Variants in ST3GAL1 observed in about 807,000 individuals in gnomAD.
ST3GAL1 encodes the protein ST3 beta-galactoside alpha-2,3-sialyltransferase 1.
A neutral mutation model predicts 34.1 loss-of-function variants in ST3GAL1; 16 were observed. That is an observed-to-expected ratio of 0.47 (90% CI 0.32 to 0.71). ST3GAL1 has a LOEUF of 0.71. ST3GAL1 is among the 30% of genes least tolerant of loss of function. The pLI is 0.04. For missense variants in ST3GAL1, 353 were observed against 447.4 expected (o/e 0.79, Z 1.90); for synonymous variants, 191 against 184.7 (o/e 1.03, Z -0.28).
intron 1 of ST3GAL1, among the ~76,000 whole-genome samples, chr8:133,557,157 T>C (rs1401988557): frequency 2.6e-5 from 4 of 152,192 alleles, no homozygotes; most frequent in Non-Finnish European, 4.4e-5. Context: ...TATGTGGTAT[T>C]TCCTGGGCAG....
intron 3 of ST3GAL1, among the ~76,000 whole-genome samples, chr8:133,487,233 C>T (rs532128909): frequency 1.7e-3 from 266 of 152,138 alleles, no homozygotes; most frequent in African/African-American, 5.6e-3. Flanking sequence ...GCTACCACAC[C>T]GTACAATCAT....
At chr8:133,500,196 G>C (rs1456977349) in intron 2 of ST3GAL1, among the ~76,000 whole-genome samples, 1 of 152,168 alleles carries the variant, frequency 6.6e-6, no homozygotes, top group East Asian at 1.9e-4. Context: ...ACCAGGGACA[G>C]GGATAAAAAG....
intron 5 of ST3GAL1, among the ~76,000 whole-genome samples, chr8:133,475,435 G>A (rs1254156125): frequency 1.3e-5 from 2 of 152,230 alleles, no homozygotes; most frequent in South Asian, 4.1e-4. Context: ...AACTAAAGCC[G>A]TGCTTCCTGC....
chr8:133,522,463 G>A (rs1324693155), intron 2 of ST3GAL1, among the ~76,000 whole-genome samples: 4 of 152,144 alleles, frequency 2.6e-5, no homozygotes, highest in Non-Finnish European at 4.4e-5. Context: ...ATAGCTGAGG[G>A]TCTGAGGCTC....
intron 2 of ST3GAL1, among the ~76,000 whole-genome samples, chr8:133,512,583 T>G (rs773939176): frequency 1.3e-5 from 2 of 152,064 alleles, no homozygotes; most frequent in African/African-American, 2.4e-5. Flanking sequence ...CATACCATCA[T>G]CTCGGAGGCC....
At chr8:133,519,994 G>C (rs550029018) in intron 2 of ST3GAL1, among the ~76,000 whole-genome samples, 1 of 152,084 alleles carries the variant, frequency 6.6e-6, no homozygotes, top group Non-Finnish European at 1.5e-5. Flanking sequence ...AAAGGAATGC[G>C]GGCAAGGATT....
chr8:133,479,967 G>C (rs1375323532), intron 3 of ST3GAL1, among the ~76,000 whole-genome samples: 1 of 152,202 alleles, frequency 6.6e-6, no homozygotes, highest in Non-Finnish European at 1.5e-5. Flanking sequence ...CTGCAGGCAT[G>C]GGGGAATGCC....
At chr8:133,460,310 G>T (rs929155790) in intron 9 of ST3GAL1, among the ~76,000 whole-genome samples, 1 of 152,138 alleles carries the variant, frequency 6.6e-6, no homozygotes, top group Non-Finnish European at 1.5e-5. Context: ...AGGAGAGCAG[G>T]GCTTTGGGGC....
At chr8:133,559,867 G>A (rs1291804194) in intron 1 of ST3GAL1, among the ~76,000 whole-genome samples, 2 of 152,086 alleles carry the variant, frequency 1.3e-5, no homozygotes, top group African/African-American at 4.8e-5. Context: ...AAACCCCCCG[G>A]CAGGCTCAAA....
intron 2 of ST3GAL1, among the ~76,000 whole-genome samples, chr8:133,521,386 T>A (rs1475231042): frequency 6.6e-6 from 1 of 151,262 alleles, no homozygotes; most frequent in African/African-American, 2.4e-5. Flanking sequence ...GTAACCTCCA[T>A]CTCTTGGGTT....
intron 1 of ST3GAL1, among the ~76,000 whole-genome samples, chr8:133,566,046 C>T (rs949355397): frequency 1.3e-5 from 2 of 152,256 alleles, no homozygotes; most frequent in African/African-American, 4.8e-5. Flanking sequence ...GAAGGGCTCC[C>T]TCCAGGTGGC....
intron 1 of ST3GAL1, among the ~76,000 whole-genome samples, chr8:133,546,352 G>T (rs932734198): frequency 6.6e-6 from 1 of 152,018 alleles, no homozygotes; most frequent in Non-Finnish European, 1.5e-5. Flanking sequence ...GCATGGTGGC[G>T]CACACCTGTA....
intron 3 of ST3GAL1, among the ~76,000 whole-genome samples, chr8:133,485,385 C>T (rs1816545472): frequency 6.6e-6 from 1 of 152,226 alleles, no homozygotes; most frequent in African/African-American, 2.4e-5. Flanking sequence ...GGGGCAGCTG[C>T]AGATTCTGCC....
At position 133,501,913 on chromosome 8, in the gene ST3GAL1, G is replaced by T. The variant is rs549051877; in HGVS notation, c.-428-2724C>A. On this transcript the variant is annotated intron_variant, in intron 2 of 9. Coordinates refer to ENST00000522652, the MANE Select transcript of ST3GAL1 (RefSeq NM_173344.3). ...GTCTTAATGAGGTGCATCCTGGCTG[G>T]CAGAAGATGGTGGCTTGGCCAAAGT... Among the ~76,000 whole-genome samples, 7 of 152,264 alleles carry T rather than the reference G, an allele frequency of 4.6e-5. No individual in the cohort carries two copies. The East Asian group carries it at 9.7e-4, about 21-fold the overall frequency.
intron 7 of ST3GAL1, among the ~76,000 whole-genome samples, chr8:133,464,252 G>A (rs980707135): frequency 2.0e-5 from 3 of 152,122 alleles, no homozygotes; most frequent in African/African-American, 7.2e-5. Context: ...GATAATATGT[G>A]CCGAGTGCCA....
intron 5 of ST3GAL1, among the ~76,000 whole-genome samples, chr8:133,468,263 T>C (rs1489357148): frequency 6.6e-6 from 1 of 152,166 alleles, no homozygotes; most frequent in African/African-American, 2.4e-5. Flanking sequence ...TCCAGACATA[T>C]GATGGGATAT....
intron 1 of ST3GAL1, among the ~76,000 whole-genome samples, chr8:133,557,262 T>C (rs58566674): frequency 0.011 from 1,639 of 152,262 alleles, 20 homozygotes; most frequent in Middle Eastern, 0.041. Context: ...GTGAGGAGAC[T>C]GTGCAGTGTA....
chr8:133,470,708 G>C (rs972810094), intron 5 of ST3GAL1, among the ~76,000 whole-genome samples: 1 of 152,186 alleles, frequency 6.6e-6, no homozygotes, highest in South Asian at 2.1e-4. Context: ...GCAGGAGAAG[G>C]AAGGGGAGGT....
intron 2 of ST3GAL1, among the ~76,000 whole-genome samples, chr8:133,535,441 T>G (rs191635744): frequency 2.4e-4 from 37 of 152,198 alleles, no homozygotes; most frequent in African/African-American, 7.7e-4. Flanking sequence ...GTGGCAACCT[T>G]GTGTTGGGCA....
Sources: allele counts gnomAD v4.1 joint callset (sites outside exome capture counted in the v4.1 genomes callset), GRCh38; gene constraint gnomAD v4.1.1; transcripts MANE v1.5; gene names NCBI Gene and HGNC (gene_info 2026-07-23, HGNC 2026-07-21).